Variants in KCNIP4 observed in about 807,000 individuals in gnomAD.
KCNIP4 encodes the protein Kv channel-interacting protein 4.
KCNIP4 carries 12 observed loss-of-function variants against 34.0 expected under a neutral mutation model. That is an observed-to-expected ratio of 0.35 (90% CI 0.23 to 0.57). The LOEUF is 0.57. KCNIP4 is among the 20% of genes least tolerant of loss of function. The probability of loss-of-function intolerance (pLI) is 0.83; values close to 1 mark genes in which losing one functional copy is unlikely to be tolerated. For missense variants in KCNIP4, 238 were observed against 311.7 expected (o/e 0.76, Z 1.78); for synonymous variants, 124 against 102.2 (o/e 1.21, Z -1.29).
At chr4:21,663,364 TG>T (rs1748594539) in intron 1 of KCNIP4, among the ~76,000 whole-genome samples, 1 of 152,206 alleles carries the variant, frequency 6.6e-6, no homozygotes, top group Admixed American at 6.5e-5. Context: ...TGTGAAAAGC[TG>T]ATGCCTGTCC....
At chr4:21,048,451 G>A (rs902352128) in intron 1 of KCNIP4, among the ~76,000 whole-genome samples, 1 of 152,270 alleles carries the variant, frequency 6.6e-6, no homozygotes. Context: ...ATGCAGATGA[G>A]CATATGTACA....
intron 1 of KCNIP4, among the ~76,000 whole-genome samples, chr4:21,415,632 A>G (rs375359639): frequency 2.3e-4 from 35 of 152,032 alleles, no homozygotes; most frequent in African/African-American, 8.4e-4. Flanking sequence ...AATCCGGGAG[A>G]CAGAGGTTGT....
chr4:21,932,617 T>G (rs183538760), intron 1 of KCNIP4, among the ~76,000 whole-genome samples: 1 of 152,044 alleles, frequency 6.6e-6, no homozygotes, highest in South Asian at 2.1e-4. Context: ...ACCAGTATCA[T>G]TTTACTGGTG....
At chr4:21,528,307 T>C (rs193262036) in intron 1 of KCNIP4, among the ~76,000 whole-genome samples, 2 of 152,278 alleles carry the variant, frequency 1.3e-5, no homozygotes, top group Non-Finnish European at 2.9e-5. Context: ...GGAATGATTG[T>C]ACAATGCTTG....
chr4:20,803,727 G>GAGAGGAAGGAAGGAAGGA (rs1553898990), intron 3 of KCNIP4, among the ~76,000 whole-genome samples: 22 of 91,476 alleles, frequency 2.4e-4, no homozygotes, highest in African/African-American at 8.2e-4. Flanking sequence ...GAGAGAGAGA[G>GAGAGGAAGGAAGGAAGGA]AGGAAGGAAG....
At chr4:21,865,107 G>T (rs2109356936) in intron 1 of KCNIP4, among the ~76,000 whole-genome samples, 1 of 151,868 alleles carries the variant, frequency 6.6e-6, no homozygotes, top group East Asian at 1.9e-4. Context: ...TTTCATACTT[G>T]AAGAATTTAA....
chr4:20,802,103 ATATATATGC>A (rs1553898601), intron 3 of KCNIP4, among the ~76,000 whole-genome samples: 4 of 127,842 alleles, frequency 3.1e-5, no homozygotes, highest in African/African-American at 1.3e-4. Context: ...CATATTGCAT[ATATATATGC>A]TATATATATG....
At chr4:21,920,672 T>C (rs1337167754) in intron 1 of KCNIP4, among the ~76,000 whole-genome samples, 1 of 152,192 alleles carries the variant, frequency 6.6e-6, no homozygotes, top group Non-Finnish European at 1.5e-5. Flanking sequence ...ATATGTTATA[T>C]GCAAAAATAC....
intron 1 of KCNIP4, among the ~76,000 whole-genome samples, chr4:21,510,472 A>G (rs1037921096): frequency 1.3e-5 from 2 of 152,198 alleles, no homozygotes; most frequent in African/African-American, 4.8e-5. Context: ...AACAAAAAAA[A>G]TCAGGCAGAT....
intron 1 of KCNIP4, among the ~76,000 whole-genome samples, chr4:21,377,558 G>A (rs1262495738): frequency 6.6e-6 from 1 of 152,124 alleles, no homozygotes; most frequent in Non-Finnish European, 1.5e-5. Flanking sequence ...TTTGTATAGG[G>A]GATCTGCTGT....
chr4:21,039,057 C>A (rs28641109), intron 1 of KCNIP4, among the ~76,000 whole-genome samples: 3,654 of 152,214 alleles, frequency 0.024, 141 homozygotes, highest in African/African-American at 0.082. Context: ...ATAGCTATAT[C>A]CTTGGCAATA....
chr4:21,075,860 C>G (rs1319737767), intron 1 of KCNIP4, among the ~76,000 whole-genome samples: 3 of 152,120 alleles, frequency 2.0e-5, no homozygotes, highest in Non-Finnish European at 4.4e-5. Context: ...TCAGCATTTG[C>G]TTGTCTGTAA....
chr4:21,889,099 A>C (rs1297675435), intron 1 of KCNIP4, among the ~76,000 whole-genome samples: 1 of 152,152 alleles, frequency 6.6e-6, no homozygotes, highest in African/African-American at 2.4e-5. Flanking sequence ...ATGATTGCTT[A>C]TAGGTACAAT....
intron 1 of KCNIP4, among the ~76,000 whole-genome samples, chr4:21,302,747 C>T (rs899206650): frequency 6.6e-6 from 1 of 152,048 alleles, no homozygotes; most frequent in Non-Finnish European, 1.5e-5. Flanking sequence ...ATGTAGGTTT[C>T]TGGTAACCTA....
intron 1 of KCNIP4, among the ~76,000 whole-genome samples, chr4:20,952,615 A>G (rs1285490031): frequency 1.3e-5 from 2 of 152,228 alleles, no homozygotes; most frequent in African/African-American, 4.8e-5. Flanking sequence ...AATAGAAAGC[A>G]TAACTTTTCC....
At chr4:21,409,914 A>G (rs539973150) in intron 1 of KCNIP4, among the ~76,000 whole-genome samples, 2 of 152,296 alleles carry the variant, frequency 1.3e-5, no homozygotes, top group South Asian at 4.1e-4. Flanking sequence ...GTCTCTGTAA[A>G]GCCATGGAAG....
intron 3 of KCNIP4, among the ~76,000 whole-genome samples, chr4:20,800,487 A>G (rs1714090628): frequency 6.6e-6 from 1 of 152,242 alleles, no homozygotes. Flanking sequence ...AATATTCTTT[A>G]TTATTAACAA....
chr4:20,763,056 C>T (rs1470937085), intron 3 of KCNIP4, among the ~76,000 whole-genome samples: 1 of 152,070 alleles, frequency 6.6e-6, no homozygotes, highest in Admixed American at 6.6e-5. Context: ...GGGGGAACTG[C>T]CTCCATGATT....
At chr4:20,784,503 A>G (rs1458661413) in intron 3 of KCNIP4, among the ~76,000 whole-genome samples, 3 of 152,164 alleles carry the variant, frequency 2.0e-5, no homozygotes. Flanking sequence ...CAAATTTAGG[A>G]TGACTTATTT....
Sources: allele counts gnomAD v4.1 joint callset (sites outside exome capture counted in the v4.1 genomes callset), GRCh38; gene constraint gnomAD v4.1.1; transcripts MANE v1.5; gene names NCBI Gene and HGNC (gene_info 2026-07-23, HGNC 2026-07-21).